The following RASSF2 variants were observed in gnomAD, a reference collection of about 807,000 sequenced individuals.
RASSF2 encodes Ras association domain family member 2.
In RASSF2, 34 loss-of-function variants were observed where a neutral mutation model predicts 46.3. The observed-to-expected ratio is 0.73, with a 90% CI of 0.56 to 0.98. The LOEUF (loss-of-function observed/expected upper bound fraction) is 0.98, where lower values mean the gene tolerates loss of function less well. Ranked by LOEUF, RASSF2 falls within the 50% of genes least tolerant of loss-of-function variation. RASSF2 has a pLI of 0.00. For missense variants in RASSF2, 364 were observed against 431.2 expected, an observed-to-expected ratio of 0.84 and a Z score of 1.38; for synonymous variants, 158 against 162.5, an observed-to-expected ratio of 0.97 and a Z score of 0.21.
At chr20:4,800,574 A>G (rs1198930817) in intron 3 of RASSF2, among the ~76,000 whole-genome samples, 1 of 152,124 alleles carries the variant, frequency 6.6e-6, no homozygotes, top group East Asian at 1.9e-4. Flanking sequence ...ATCACATCCC[A>G]GAGGCCCCAC....
chr20:4,798,231 T>C (rs1364694808), intron 3 of RASSF2, 146 bp from the exon 4 acceptor site: 2 of 1,335,660 alleles, frequency 1.5e-6, no homozygotes, highest in Non-Finnish European at 2.0e-6. Context: ...CACATGCACA[T>C]GCACACAGAG....
At chr20:4,789,113 C>T (rs563600112) in intron 8 of RASSF2, among the ~76,000 whole-genome samples, 2 of 152,168 alleles carry the variant, frequency 1.3e-5, no homozygotes, top group Non-Finnish European at 2.9e-5. Context: ...CACAGAGCAA[C>T]AGAACTTTAA....
intron 2 of RASSF2, among the ~76,000 whole-genome samples, chr20:4,817,038 G>C (rs1225317061): frequency 2.0e-5 from 3 of 152,232 alleles, no homozygotes; most frequent in Non-Finnish European, 2.9e-5. Flanking sequence ...CCGGGAGGCG[G>C]AGATTGCAGT....
intron 2 of RASSF2, among the ~76,000 whole-genome samples, chr20:4,817,803 T>G (rs749240232): frequency 7.2e-5 from 11 of 152,104 alleles, no homozygotes; most frequent in Non-Finnish European, 1.5e-4. Context: ...ACACATGTAG[T>G]CCACAGGAAA....
Position 4,790,715 on chromosome 20 carries a change from A to G in RASSF2, c.377-104T>C. The G allele has an allele frequency of 2.6e-6, 2 of 768,948 alleles. No individual in the cohort carries two copies. The highest frequency in any genetic ancestry group is 3.8e-6 in the Non-Finnish European group (2 of 526,526). 47.6% of individuals were successfully genotyped at this position (768,948 alleles called of 1,614,324 possible). Reference sequence around the variant, plus strand: ...GACAGCACCCACTGTCTCCACAAATATATATTTTATACAAATAATATTTTC... The same window carrying G: ...GACAGCACCCACTGTCTCCACAAATGTATATTTTATACAAATAATATTTTC... On this transcript the variant is annotated intron_variant, in intron 6 of 11. Coordinates refer to ENST00000379400, the MANE Select transcript of RASSF2 (RefSeq NM_014737.3). This position sits in a 1 kb window ranked among gnomAD's most constrained non-coding sequence, Gnocchi z 4.3.
Position 4,781,753 on chromosome 20 carries a change from A to G in RASSF2, c.*2520T>C, listed in dbSNP as rs1015054161. The G allele has an allele frequency of 1.3e-5, 2 of 152,050 alleles. No individual in the cohort carries two copies. The highest frequency in any genetic ancestry group is 2.9e-5 in the Non-Finnish European group (2 of 68,002). 9.4% of individuals were successfully genotyped at this position (152,050 alleles called of 1,614,324 possible). On this transcript the variant is annotated 3_prime_UTR_variant, in exon 12 of 12. Coordinates refer to ENST00000379400, the MANE Select transcript of RASSF2 (RefSeq NM_014737.3). Reference sequence around the variant, plus strand: ...TTTCACAAGTTGGAAAAAAAACCCAACCCTATAAACTGGTCTTTTGTCCTT... The same window carrying G: ...TTTCACAAGTTGGAAAAAAAACCCAGCCCTATAAACTGGTCTTTTGTCCTT...
At chr20:4,786,426 T>C (rs1925345440) in intron 10 of RASSF2, 98 bp from the exon 11 acceptor site, 1 of 1,064,562 alleles carries the variant, frequency 9.4e-7, no homozygotes, top group Non-Finnish European at 1.4e-6. Context: ...CCTTGGGAAG[T>C]CTATTTTTTT....
At chr20:4,784,662 C>T (rs141319512) in intron 11 of RASSF2, among the ~76,000 whole-genome samples, 326 of 149,262 alleles carry the variant, frequency 2.2e-3, no homozygotes, top group African/African-American at 7.4e-3. Context: ...GAATTCAGTG[C>T]GTTTGCTTAC....
At chr20:4,785,155 CAAAAAAAAAA>C (rs11454727) in intron 11 of RASSF2, among the ~76,000 whole-genome samples, 1 of 92,572 alleles carries the variant, frequency 1.1e-5, no homozygotes, top group African/African-American at 4.1e-5. Flanking sequence ...ACTAAAAATA[CAAAAAAAAAA>C]AAAAAAAAAG....
intron 2 of RASSF2, among the ~76,000 whole-genome samples, chr20:4,818,806 C>T (rs1451990893): frequency 2.0e-5 from 3 of 152,182 alleles, no homozygotes; most frequent in Non-Finnish European, 4.4e-5. Flanking sequence ...CTCTGAAATC[C>T]ATCATAGCCT....
intron 2 of RASSF2, among the ~76,000 whole-genome samples, chr20:4,820,328 GACT>G (rs1438425871): frequency 6.6e-6 from 1 of 152,030 alleles, no homozygotes; most frequent in Non-Finnish European, 1.5e-5. Context: ...AACATAGCGA[GACT>G]TCATCTCTAT....
chr20:4,820,746 C>G (rs1600029493), intron 2 of RASSF2, among the ~76,000 whole-genome samples: 1 of 152,086 alleles, frequency 6.6e-6, no homozygotes, highest in African/African-American at 2.4e-5. Context: ...TCCAAGCACA[C>G]TGCTGAGACC....
intron 4 of RASSF2, among the ~76,000 whole-genome samples, chr20:4,797,584 C>T (rs1926457806): frequency 6.8e-6 from 1 of 147,336 alleles, no homozygotes; most frequent in African/African-American, 2.5e-5. Context: ...GGGGACTCTG[C>T]TAACATCCAG....
chr20:4,807,440 C>T (rs530499279), intron 2 of RASSF2, among the ~76,000 whole-genome samples: 2 of 152,080 alleles, frequency 1.3e-5, no homozygotes, highest in African/African-American at 2.4e-5. Flanking sequence ...ACATAAAGAG[C>T]TTTAATAAAT....
At chr20:4,787,571 A>G in intron 10 of RASSF2, 62 bp downstream of exon 10, 1 of 1,606,298 alleles carries the variant, frequency 6.2e-7, no homozygotes, top group Non-Finnish European at 8.5e-7. Context: ...CCCCAGTTAC[A>G]GGTGGTCCAA....
At chr20:4,792,866 A>T in intron 5 of RASSF2, 1 of 725,688 alleles carries the variant, frequency 1.4e-6, no homozygotes, top group Non-Finnish European at 2.1e-6. Context: ...GAGGGAGAAG[A>T]TGTTCTTTTG....
At chr20:4,785,816 G>T (rs1925280694) in intron 11 of RASSF2, among the ~76,000 whole-genome samples, 1 of 152,086 alleles carries the variant, frequency 6.6e-6, no homozygotes, top group Non-Finnish European at 1.5e-5. Flanking sequence ...TTCGCAAATA[G>T]TCCCTTCTTC....
chr20:4,814,981 C>A (rs1432828389), intron 2 of RASSF2: 4 of 152,224 alleles, frequency 2.6e-5, no homozygotes, highest in Admixed American at 2.6e-4. Context: ...CGGACGACTA[C>A]CTAAGATTAA....
Position 4,795,911 on chromosome 20 carries a change from C to A in RASSF2, c.191G>T (p.Arg64Leu). 1 of 1,597,890 alleles carries A rather than the reference C, an allele frequency of 6.3e-7. No homozygotes were observed. Among genetic ancestry groups the A allele is most frequent in the Non-Finnish European group, 8.5e-7 (1 of 1,170,696 alleles). The change falls in exon 5 of 12, where the codon CGG (arginine) becomes CTG (leucine). Residue 64 changes from arginine (R) to leucine (L), a missense_variant. Transcript: ENST00000379400. This position sits in a 1 kb window ranked among gnomAD's most constrained non-coding sequence, Gnocchi z 4.0. ...ATCCTGCATCTGCAGGCGAATGGGC[C>A]GGCGCAGGCCCCAGGAGATGTTCAG... is the stretch of plus-strand genomic sequence containing the variant. Reference protein sequence around the residue: ...GLLNISWGLRRPIRLQMQDDN... With the variant: ...GLLNISWGLRLPIRLQMQDDN...
Sources: gnomAD v4.1 joint callset for allele counts (sites outside exome capture counted in the v4.1 genomes callset) on GRCh38, gnomAD v4.1.1 for gene constraint, Gnocchi (gnomAD v3.1) non-coding constraint, MANE v1.5 for transcripts, NCBI Gene and HGNC (gene_info 2026-07-23, HGNC 2026-07-21) for gene names.